The following CHN2 variants were observed in gnomAD, a reference collection of about 807,000 sequenced individuals.
CHN2 encodes beta-chimaerin.
A neutral mutation model predicts 56.3 loss-of-function variants in CHN2; 35 were observed. The ratio of observed to expected loss-of-function variants is 0.62; its 90% CI spans 0.47 to 0.82. CHN2 has a LOEUF of 0.82. Ranked by LOEUF, CHN2 falls within the 40% of genes least tolerant of loss-of-function variation. CHN2 has a pLI of 0.00. For missense variants in CHN2, 491 were observed against 580.5 expected (o/e 0.85, Z 1.58); for synonymous variants, 210 against 212.8 (o/e 0.99, Z 0.12).
intron 7 of CHN2, among the ~76,000 whole-genome samples, chr7:29,491,365 T>C (rs1788649248): frequency 6.6e-6 from 1 of 152,170 alleles, no homozygotes; most frequent in Admixed American, 6.5e-5. Flanking sequence ...TTCCCTGCTT[T>C]TTATTGGTTT....
chr7:29,400,499 C>T (rs371925471), intron 5 of CHN2, 44 bp from the exon 6 acceptor site: 1 of 1,588,022 alleles, frequency 6.3e-7, no homozygotes, highest in South Asian at 1.1e-5. Context: ...CCACACTGTG[C>T]TTATTTCTAA....
intron 1 of CHN2, among the ~76,000 whole-genome samples, chr7:29,235,941 C>A (rs1787161734): frequency 6.6e-6 from 1 of 152,180 alleles, no homozygotes; most frequent in Non-Finnish European, 1.5e-5. Context: ...GTACTATGCT[C>A]ATTACATGGG....
chr7:29,299,698 G>T (rs565499596), intron 1 of CHN2, among the ~76,000 whole-genome samples: 1 of 152,196 alleles, frequency 6.6e-6, no homozygotes, highest in South Asian at 2.1e-4. Context: ...ATGAAATGAG[G>T]TTACTAATAT....
At chr7:29,190,464 G>C (rs889812028), upstream of CHN2, among the ~76,000 whole-genome samples, 1 of 152,170 alleles carries the variant, frequency 6.6e-6, no homozygotes, top group Non-Finnish European at 1.5e-5. Flanking sequence ...TGACAGCCAC[G>C]TTCACCCTGC....
At chr7:29,151,368 G>A (rs187602294) in intron 2 of CHN2, among the ~76,000 whole-genome samples, 1 of 152,288 alleles carries the variant, frequency 6.6e-6, no homozygotes, top group East Asian at 1.9e-4. Context: ...GCGCCCTTTA[G>A]CAGCAGGTGT....
At chr7:29,365,445 T>C (rs1404583838) in intron 2 of CHN2, among the ~76,000 whole-genome samples, 1 of 152,158 alleles carries the variant, frequency 6.6e-6, no homozygotes, top group Non-Finnish European at 1.5e-5. Flanking sequence ...ATAAGTTATA[T>C]AAAGGAAAGT....
chr7:29,302,577 G>T (rs1793780300), intron 1 of CHN2, among the ~76,000 whole-genome samples: 1 of 142,702 alleles, frequency 7.0e-6, no homozygotes, highest in African/African-American at 2.7e-5. Flanking sequence ...TTGGGCTCAA[G>T]CGATCCTCTG....
intron 7 of CHN2, 97 bp from the exon 8 acceptor site, chr7:29,495,855 G>T: frequency 1.1e-6 from 1 of 928,522 alleles, no homozygotes; most frequent in Non-Finnish European, 1.7e-6. Context: ...AAGCCCAGTG[G>T]GGGATCGCTC....
rs1046745699 is a variant in CHN2 at position 29,513,000 on chromosome 7, T to TA, written c.*266dup. On this transcript the variant is annotated 3_prime_UTR_variant, in exon 13 of 13. Coordinates refer to ENST00000222792, the MANE Select transcript of CHN2 (RefSeq NM_004067.4). ...TCTGGTTTGCTGGAAGAGTGATTAA[T>TA]ACATCTTTAATTTATTAAAAAACAA... The TA allele has an allele frequency of 3.0e-6, 1 of 328,276 alleles. No homozygotes were observed. Among genetic ancestry groups the TA allele is most frequent in the African/African-American group, 2.1e-5 (1 of 47,788 alleles). 20.3% of individuals were successfully genotyped at this position (328,276 alleles called of 1,614,324 possible). A position where few individuals can be genotyped will look rare whatever the true frequency, so the allele number is the denominator to read the frequency against.
chr7:29,468,071 G>A (rs1183235686), intron 6 of CHN2, among the ~76,000 whole-genome samples: 1 of 148,940 alleles, frequency 6.7e-6, no homozygotes, highest in African/African-American at 2.5e-5. Context: ...GGTCATTATA[G>A]GTCATATCTC....
At chr7:29,148,626 TAAG>T (rs1274368693) in intron 2 of CHN2, 13 of 152,366 alleles carry the variant, frequency 8.5e-5, no homozygotes, top group African/African-American at 3.1e-4. Flanking sequence ...CATTTCGACT[TAAG>T]AAGTTATTAA....
chr7:29,456,241 AAC>A (rs1171532855), intron 6 of CHN2, among the ~76,000 whole-genome samples: 1 of 152,132 alleles, frequency 6.6e-6, no homozygotes, highest in African/African-American at 2.4e-5. Flanking sequence ...CTGCCCCTGG[AAC>A]ACTTTGAACC....
At chr7:29,487,285 G>C (rs1167519831) in intron 7 of CHN2, among the ~76,000 whole-genome samples, 1 of 152,040 alleles carries the variant, frequency 6.6e-6, no homozygotes, top group Non-Finnish European at 1.5e-5. Context: ...AACAAGTCTG[G>C]AAAGAAAATT....
rs112996573 is a variant in CHN2 at position 29,197,917 on chromosome 7, C to T, written c.49+2927C>T. 633 of 456,060 alleles carry T rather than the reference C, an allele frequency of 1.4e-3. 3 individuals are homozygous for T. Among genetic ancestry groups the T allele is most frequent in the African/African-American group, 0.011 (570 of 50,108 alleles). The allele number at this position is 456,060 out of a possible 1,614,324, so 28.3% of individuals were successfully genotyped here. On this transcript the variant is annotated intron_variant, in intron 1 of 12. Coordinates refer to ENST00000222792, the MANE Select transcript of CHN2 (RefSeq NM_004067.4). ...CCTTGAAAGCTGAGTAGAATTTTTC[C>T]GGAAAACAAATGGAGAAAAAGACAT...
intron 1 of CHN2, among the ~76,000 whole-genome samples, chr7:29,289,545 T>C (rs1164679569): frequency 6.6e-6 from 1 of 152,036 alleles, no homozygotes; most frequent in Non-Finnish European, 1.5e-5. Context: ...CAGGCGAACA[T>C]TGGATAAGAG....
intron 1 of CHN2, among the ~76,000 whole-genome samples, chr7:29,242,759 GAAAAAAAAAAA>G (rs57273690): frequency 8.4e-4 from 50 of 59,722 alleles, no homozygotes; most frequent in African/African-American, 2.1e-3. Flanking sequence ...CTTTCCTTCT[GAAAAAAAAAAA>G]AAAAAAAAAA....
chr7:29,400,923 G>T lies in CHN2; in HGVS notation c.576+95G>T. Reference sequence around the variant, plus strand: ...GGTGCGATTTGCTGAAATGTTGGAGGAGACCCACCCCCACCCGAAGAACTC... The same window carrying T: ...GGTGCGATTTGCTGAAATGTTGGAGTAGACCCACCCCCACCCGAAGAACTC... On this transcript the variant is annotated intron_variant, in intron 6 of 12. Transcript: ENST00000222792. The T allele has an allele frequency of 3.2e-6, 4 of 1,252,420 alleles. No individual in the cohort carries two copies. In the South Asian group the frequency reaches 5.9e-5, roughly 19 times the overall value. 77.6% of individuals were successfully genotyped at this position (1,252,420 alleles called of 1,614,324 possible).
Position 29,426,334 on chromosome 7 carries a change from A to T in CHN2, c.576+25506A>T, listed in dbSNP as rs921607027. 1.1e-4 allele frequency among the ~76,000 whole-genome samples: 16 copies of T among 152,312 alleles called. No individual in the cohort carries two copies. The East Asian group carries it at 3.1e-3, about 29-fold the overall frequency. On this transcript the variant is annotated intron_variant, in intron 6 of 12. Transcript: ENST00000222792. Reference sequence around the variant, plus strand: ...CCTTTTATATGGTTAATAATAAACAATTATGGACTAGTAGTTTAAAGTTGC... The same window carrying T: ...CCTTTTATATGGTTAATAATAAACATTTATGGACTAGTAGTTTAAAGTTGC...
At position 29,440,905 on chromosome 7, in the gene CHN2, A is replaced by AT. The variant is rs149094421; in HGVS notation, c.577-39368dup. ...TTTGACTTGAAAGATACTAGAACTT[A>AT]TTTTTTGTTTTTTATTATTTATTGA... is the stretch of plus-strand genomic sequence containing the variant. On this transcript the variant is annotated intron_variant, in intron 6 of 12. Transcript: ENST00000222792. Among the ~76,000 whole-genome samples, 682 of 151,868 alleles carry AT rather than the reference A, an allele frequency of 4.5e-3. 16 individuals carry two copies. The East Asian group carries it at 0.052, about 11-fold the overall frequency.
Sources: allele counts gnomAD v4.1 joint callset (sites outside exome capture counted in the v4.1 genomes callset), GRCh38; gene constraint gnomAD v4.1.1; transcripts MANE v1.5; gene names NCBI Gene and HGNC (gene_info 2026-07-23, HGNC 2026-07-21).